Variants in NRG3 observed in about 807,000 individuals in gnomAD.
The protein encoded by NRG3 is pro-neuregulin-3, membrane-bound isoform.
NRG3 carries 31 observed loss-of-function variants against 66.9 expected under a neutral mutation model. The observed-to-expected ratio is 0.46, with a 90% CI of 0.35 to 0.63. The LOEUF (loss-of-function observed/expected upper bound fraction) is 0.63. NRG3 is among the 20% of genes least tolerant of loss of function. NRG3 has a pLI of 0.00. For synonymous variants in NRG3, 393 were observed against 359.4 expected (o/e 1.09, Z -1.06); for missense variants, 910 against 878.9 (o/e 1.04, Z -0.45).
At chr10:82,944,352 A>T (rs922769787) in intron 4 of NRG3, among the ~76,000 whole-genome samples, 1 of 152,168 alleles carries the variant, frequency 6.6e-6, no homozygotes, top group Non-Finnish European at 1.5e-5. Flanking sequence ...CATAATTTTT[A>T]TAATTCTTTT....
rs116379056 is a variant in NRG3 at position 82,453,504 on chromosome 10, A to G, written c.953+94636A>G. Among the ~76,000 whole-genome samples the G allele has an allele frequency of 9.6e-3, 1,459 of 152,260 alleles. 19 individuals are homozygous for G. The highest frequency in any genetic ancestry group is 0.033 in the African/African-American group (1,380 of 41,534). On this transcript the variant is annotated intron_variant, in intron 2 of 8. Transcript: ENST00000372141. ...TGTCTGTAACCATTGCATTAATTCA[A>G]TAGTAAAAATTATCAACCAAAGACA...
At chr10:82,538,913 G>A (rs922865958) in intron 2 of NRG3, among the ~76,000 whole-genome samples, 5 of 152,132 alleles carry the variant, frequency 3.3e-5, no homozygotes, top group African/African-American at 1.2e-4. Context: ...GCAGGCAGAT[G>A]GGGAAGAGGT....
chr10:82,276,760 CA>C (rs1189999667), intron 1 of NRG3, among the ~76,000 whole-genome samples: 11 of 151,774 alleles, frequency 7.2e-5, no homozygotes, highest in Non-Finnish European at 1.3e-4. Flanking sequence ...CCATTCAGGA[CA>C]AAAAATGACA....
rs1589426685 is a variant in NRG3, at chr10:81,910,475, A to G, written c.823+34312A>G. On this transcript the variant is annotated intron_variant, in intron 1 of 8. Coordinates refer to ENST00000372141, the MANE Select transcript of NRG3 (RefSeq NM_001010848.4). ...AACTAAATTAAACAACATGCATTAA[A>G]TGTAATCTATGGGAAGCCACAAAAT... Among the ~76,000 whole-genome samples, 3 of 152,348 alleles carry G rather than the reference A, an allele frequency of 2.0e-5. No individual in the cohort carries two copies. The East Asian group carries it at 5.8e-4, about 29-fold the overall frequency.
At chr10:82,203,271 G>T (rs1284782717) in intron 1 of NRG3, among the ~76,000 whole-genome samples, 1 of 152,110 alleles carries the variant, frequency 6.6e-6, no homozygotes, top group South Asian at 2.1e-4. Flanking sequence ...AATACTCATT[G>T]GAAATGAGTA....
rs577571134 is a variant in NRG3, at chr10:82,173,187, T to A, written c.824-185552T>A. ...GCATGGAAGTATTTGCATCTGCACA[T>A]TGATATGTAGTGAAATAGGCTGTAA... On this transcript the variant is annotated intron_variant, in intron 1 of 8. Coordinates refer to ENST00000372141, the MANE Select transcript of NRG3 (RefSeq NM_001010848.4). Among the ~76,000 whole-genome samples the A allele has an allele frequency of 1.0e-3, 158 of 152,256 alleles. 2 individuals are homozygous for A. Among genetic ancestry groups the A allele is most frequent in the Middle Eastern group, 3.4e-3 (1 of 294 alleles).
intron 3 of NRG3, among the ~76,000 whole-genome samples, chr10:82,806,457 G>A (rs960648654): frequency 2.0e-5 from 3 of 152,144 alleles, no homozygotes; most frequent in African/African-American, 4.8e-5. Context: ...CACACATCAC[G>A]TATTAGTAGA....
chr10:82,531,344 A>G lies in NRG3; in HGVS notation c.953+172476A>G, dbSNP rs887880179. On this transcript the variant is annotated intron_variant, in intron 2 of 8. Transcript: ENST00000372141. ...TAAAAGTTGATTAACATATATGACT[A>G]TCTATGAAAGATGATTAGTTCGATG... Among the ~76,000 whole-genome samples the G allele has an allele frequency of 3.3e-5, 5 of 151,830 alleles. No individual in the cohort carries two copies. In the East Asian group the frequency reaches 9.6e-4, roughly 29 times the overall value.
chr10:82,652,491 G>A (rs2051502388), intron 2 of NRG3, among the ~76,000 whole-genome samples: 1 of 152,178 alleles, frequency 6.6e-6, no homozygotes, highest in South Asian at 2.1e-4. Flanking sequence ...TATCTCAGAA[G>A]TTAGGCCCTC....
intron 2 of NRG3, among the ~76,000 whole-genome samples, chr10:82,478,259 T>A (rs9794562): frequency 0.035 from 497 of 14,300 alleles, 87 homozygotes; most frequent in Middle Eastern, 0.1. Context: ...TTTTTTTTTT[T>A]AATTTATTTT....
At chr10:82,317,906 T>C (rs1256235567) in intron 1 of NRG3, among the ~76,000 whole-genome samples, 2 of 151,608 alleles carry the variant, frequency 1.3e-5, no homozygotes, top group Non-Finnish European at 2.9e-5. Context: ...GAAAAAATAG[T>C]CATCTGTGCC....
chr10:82,164,925 T>TAA (rs1349041486), intron 1 of NRG3, among the ~76,000 whole-genome samples: 1 of 152,140 alleles, frequency 6.6e-6, no homozygotes, highest in Non-Finnish European at 1.5e-5. Context: ...TTTAGCCTTC[T>TAA]AATCTTTTTC....
At chr10:82,313,394 G>T (rs1485448863) in intron 1 of NRG3, among the ~76,000 whole-genome samples, 3 of 151,822 alleles carry the variant, frequency 2.0e-5, no homozygotes, top group African/African-American at 7.3e-5. Flanking sequence ...TAAATAAATG[G>T]AATTGTTGCG....
intron 2 of NRG3, among the ~76,000 whole-genome samples, chr10:82,558,165 C>T (rs905008265): frequency 1.3e-5 from 2 of 152,158 alleles, no homozygotes; most frequent in African/African-American, 4.8e-5. Flanking sequence ...TCTTGAGGCA[C>T]TTCGAGACTT....
At chr10:82,862,106 T>C (rs1293150852) in intron 3 of NRG3, among the ~76,000 whole-genome samples, 1 of 152,086 alleles carries the variant, frequency 6.6e-6, no homozygotes. Flanking sequence ...GTGGGCCACT[T>C]TTATAGCTGG....
chr10:82,379,977 C>T (rs7896764), intron 2 of NRG3, among the ~76,000 whole-genome samples: 61,798 of 149,428 alleles, frequency 0.41, 15,884 homozygotes, highest in African/African-American at 0.72. Context: ...TTATAATATT[C>T]TCAAATGCAA....
chr10:82,008,824 G>A (rs1369609733), intron 1 of NRG3, among the ~76,000 whole-genome samples: 7 of 152,146 alleles, frequency 4.6e-5, no homozygotes, highest in African/African-American at 7.2e-5. Context: ...CAATATTGGC[G>A]GTGGGCATTT....
intron 2 of NRG3, among the ~76,000 whole-genome samples, chr10:82,605,183 G>T (rs2047885564): frequency 6.6e-6 from 1 of 151,876 alleles, no homozygotes; most frequent in Non-Finnish European, 1.5e-5. Flanking sequence ...GGATTTTTTT[G>T]TAGATATTCT....
intron 1 of NRG3, among the ~76,000 whole-genome samples, chr10:81,978,709 G>A (rs1260995087): frequency 6.6e-6 from 1 of 151,608 alleles, no homozygotes; most frequent in Non-Finnish European, 1.5e-5. Context: ...ATATATATTT[G>A]CATCTTTCTT....
Sources: allele counts gnomAD v4.1 joint callset (sites outside exome capture counted in the v4.1 genomes callset), GRCh38; gene constraint gnomAD v4.1.1; transcripts MANE v1.5; gene names NCBI Gene and HGNC (gene_info 2026-07-23, HGNC 2026-07-21).